Variants in NRXN3 observed in about 807,000 individuals in gnomAD.
NRXN3 encodes the protein neurexin III.
A neutral mutation model predicts 137.6 loss-of-function variants in NRXN3; 32 were observed. The ratio of observed to expected loss-of-function variants is 0.23; its 90% CI spans 0.18 to 0.31. The LOEUF (loss-of-function observed/expected upper bound fraction) is 0.31. NRXN3 is among the 10% of genes least tolerant of loss of function. The pLI is 1.00. For missense variants in NRXN3, 1,574 were observed against 2,062.5 expected (o/e 0.76, Z 4.59); for synonymous variants, 798 against 784.5 (o/e 1.02, Z -0.29).
chr14:79,280,615 A>C, intron 15 of NRXN3: 1 of 1,346,426 alleles, frequency 7.4e-7, no homozygotes, highest in East Asian at 2.3e-5. Context: ...GTAGTGTCAA[A>C]GGTGGGAAGG....
At chr14:79,553,655 G>A (rs2097398362) in intron 16 of NRXN3, among the ~76,000 whole-genome samples, 1 of 152,156 alleles carries the variant, frequency 6.6e-6, no homozygotes, top group African/African-American at 2.4e-5. Flanking sequence ...GAGGAAGGTG[G>A]TGCTGACACC....
At chr14:79,093,954 T>C (rs1234499037) in intron 15 of NRXN3, among the ~76,000 whole-genome samples, 3 of 152,014 alleles carry the variant, frequency 2.0e-5, no homozygotes, top group Admixed American at 6.6e-5. Context: ...AGGGGTGAGA[T>C]AGAGATTGCT....
Position 79,291,766 on chromosome 14 carries a change from T to A in NRXN3, c.3263-175455T>A, listed in dbSNP as rs2083247783. Reference sequence around the variant, plus strand: ...TTCATAAATACTCTTAAAATTTCAGTATTTATGAAATATTACCTGAATGGT... The same window carrying A: ...TTCATAAATACTCTTAAAATTTCAGAATTTATGAAATATTACCTGAATGGT... On this transcript the variant is annotated intron_variant, in intron 15 of 20. Coordinates refer to ENST00000335750, the MANE Select transcript of NRXN3 (RefSeq NM_001330195.2). Among the ~76,000 whole-genome samples the A allele has an allele frequency of 2.0e-5, 3 of 151,766 alleles. No individual in the cohort carries two copies. The South Asian group carries it at 6.2e-4, about 32-fold the overall frequency.
rs760166981 is a variant in NRXN3 at position 78,761,176 on chromosome 14, C to T, written c.2045-42444C>T. ...GAAATGAATCAAAATTCCCCGCAAT[C>T]GCTCTTTTCCACCCACCATTCACAA... On this transcript the variant is annotated intron_variant, in intron 8 of 20. Transcript: ENST00000335750. Among the ~76,000 whole-genome samples, 19 of 152,258 alleles carry T rather than the reference C, an allele frequency of 1.2e-4. No individual in the cohort carries two copies. In the East Asian group the frequency reaches 3.7e-3, roughly 30 times the overall value.
At chr14:78,418,664 T>C (rs1435121580) in intron 4 of NRXN3, among the ~76,000 whole-genome samples, 2 of 152,296 alleles carry the variant, frequency 1.3e-5, no homozygotes, top group Middle Eastern at 3.4e-3. Flanking sequence ...AACAAGCATT[T>C]TCTTACATCC....
intron 19 of NRXN3, among the ~76,000 whole-genome samples, chr14:79,759,624 G>A (rs1206778111): frequency 6.6e-6 from 1 of 151,504 alleles, no homozygotes; most frequent in African/African-American, 2.4e-5. Flanking sequence ...CATATTTCTA[G>A]TAAAGTATTT....
intron 15 of NRXN3, among the ~76,000 whole-genome samples, chr14:79,083,060 A>G (rs140123335): frequency 1.3e-5 from 2 of 152,318 alleles, no homozygotes; most frequent in East Asian, 1.9e-4. Context: ...GGATGGTGAC[A>G]TGCTTCACAG....
chr14:78,926,933 T>TA (rs1464192332), intron 10 of NRXN3, among the ~76,000 whole-genome samples: 2 of 30,726 alleles, frequency 6.5e-5, no homozygotes, highest in Non-Finnish European at 9.0e-5. Context: ...ATATAATATA[T>TA]TTATATATAT....
chr14:78,420,337 T>C (rs928062533), intron 4 of NRXN3, among the ~76,000 whole-genome samples: 1 of 152,196 alleles, frequency 6.6e-6, no homozygotes, highest in Non-Finnish European at 1.5e-5. Flanking sequence ...TTATATCAGT[T>C]TGCAACTACA....
chr14:78,926,957 A>AT (rs1555588145), intron 10 of NRXN3, among the ~76,000 whole-genome samples: 2 of 38,510 alleles, frequency 5.2e-5, no homozygotes, highest in Non-Finnish European at 7.7e-5. Flanking sequence ...TAATATATAT[A>AT]ATATATATAT....
chr14:78,351,056 G>T (rs926045558), intron 4 of NRXN3, among the ~76,000 whole-genome samples: 2 of 152,126 alleles, frequency 1.3e-5, no homozygotes, highest in Non-Finnish European at 2.9e-5. Flanking sequence ...CCAGGAATTG[G>T]CATTTATCAC....
chr14:78,944,885 G>A (rs756123684), intron 10 of NRXN3, among the ~76,000 whole-genome samples: 2 of 152,160 alleles, frequency 1.3e-5, no homozygotes, highest in African/African-American at 4.8e-5. Flanking sequence ...ATCCATCCCA[G>A]ATCTTCTGAA....
chr14:78,538,499 T>G (rs1270057984), intron 4 of NRXN3, among the ~76,000 whole-genome samples: 1 of 152,234 alleles, frequency 6.6e-6, no homozygotes, highest in Non-Finnish European at 1.5e-5. Flanking sequence ...CTTATCAGCT[T>G]AAGGAGATTT....
chr14:78,493,478 G>A (rs1476054615), intron 4 of NRXN3, among the ~76,000 whole-genome samples: 2 of 151,468 alleles, frequency 1.3e-5, no homozygotes, highest in African/African-American at 4.9e-5. Flanking sequence ...AGCCAAGATC[G>A]CGCCTTTGCA....
Position 78,579,359 on chromosome 14 carries a change from C to A in NRXN3, c.758-65761C>A, listed in dbSNP as rs551771960. On this transcript the variant is annotated intron_variant, in intron 4 of 20. Coordinates refer to ENST00000335750, the MANE Select transcript of NRXN3 (RefSeq NM_001330195.2). ...TTGATAAAACTGATTCAGTGAATAT[C>A]TCCCTTAGGGCGAAGCTCAGCCTTC... Among the ~76,000 whole-genome samples, 9 of 152,266 alleles carry A rather than the reference C, an allele frequency of 5.9e-5. No homozygotes were observed. In the South Asian group the frequency reaches 1.9e-3, roughly 32 times the overall value.
intron 15 of NRXN3, among the ~76,000 whole-genome samples, chr14:79,466,323 C>T (rs1273659191): frequency 1.3e-5 from 2 of 152,184 alleles, no homozygotes; most frequent in African/African-American, 4.8e-5. Flanking sequence ...TACGGTGGCT[C>T]ACGCCTGTAA....
intron 16 of NRXN3, among the ~76,000 whole-genome samples, chr14:79,608,448 C>T (rs139773247): frequency 2.5e-3 from 387 of 152,266 alleles, no homozygotes; most frequent in African/African-American, 8.9e-3. Context: ...ATTGATTTCT[C>T]TGGTGTTGTG....
intron 16 of NRXN3, among the ~76,000 whole-genome samples, chr14:79,588,854 G>A (rs1320766399): frequency 6.6e-6 from 1 of 152,160 alleles, no homozygotes; most frequent in Non-Finnish European, 1.5e-5. Flanking sequence ...GTATAGGCAA[G>A]CAATGCATAC....
intron 19 of NRXN3, among the ~76,000 whole-genome samples, chr14:79,797,884 G>A (rs1367803455): frequency 6.6e-6 from 1 of 152,074 alleles, no homozygotes; most frequent in East Asian, 1.9e-4. Flanking sequence ...CTTCAGCCCA[G>A]GGGTTAGAGA....
Sources: gnomAD v4.1 joint callset for allele counts (sites outside exome capture counted in the v4.1 genomes callset) on GRCh38, gnomAD v4.1.1 for gene constraint, MANE v1.5 for transcripts, NCBI Gene and HGNC (gene_info 2026-07-23, HGNC 2026-07-21) for gene names.